The following LIPH variants were observed in gnomAD, a reference collection of about 807,000 sequenced individuals.
The protein encoded by LIPH is lipase H.
In LIPH, 32 loss-of-function variants were observed where a neutral mutation model predicts 47.6. That is an observed-to-expected ratio of 0.67 (90% confidence interval 0.51 to 0.90). The LOEUF (loss-of-function observed/expected upper bound fraction) is 0.90, where lower values mean the gene tolerates loss of function less well. Ranked by LOEUF, LIPH falls within the 40% of genes least tolerant of loss-of-function variation. The pLI is 0.00. For synonymous variants in LIPH, 190 were observed against 195.6 expected (o/e 0.97, Z 0.24); for missense variants, 497 against 541.4 (o/e 0.92, Z 0.81).
chr3:185,513,895 C>T (rs1344974502), intron 8 of LIPH, among the ~76,000 whole-genome samples: 1 of 152,072 alleles, frequency 6.6e-6, no homozygotes, highest in Non-Finnish European at 1.5e-5. Flanking sequence ...AAAAAATTAT[C>T]TGGGCATGGT....
chr3:185,527,101 T>C (rs987724322), intron 4 of LIPH, among the ~76,000 whole-genome samples: 1 of 151,866 alleles, frequency 6.6e-6, no homozygotes, highest in Non-Finnish European at 1.5e-5. Context: ...TAGCCAGGCG[T>C]GGCGGCGTGT....
rs948448963 is a variant in LIPH, at chr3:185,506,312, C to G, written c.*2478G>C. 6.6e-6 allele frequency: 1 copy of G among 152,164 alleles called. No homozygotes were observed. The highest frequency in any genetic ancestry group is 1.5e-5 in the Non-Finnish European group (1 of 68,038). The allele number at this position is 152,164 out of a possible 1,614,324, so 9.4% of individuals were successfully genotyped here. A position where few individuals can be genotyped will look rare whatever the true frequency, so the allele number is the denominator to read the frequency against. On this transcript the variant is annotated 3_prime_UTR_variant, in exon 10 of 10. Transcript: ENST00000296252. ...CCTGATCACTGTTACATGAAACTTA[C>G]TGAAATTCATCTCCTCTCCGGTGAA...
intron 3 of LIPH, among the ~76,000 whole-genome samples, chr3:185,529,970 GAAAGAA>G (rs765603847): frequency 0.088 from 5,851 of 66,760 alleles, 232 homozygotes; most frequent in Middle Eastern, 0.12. Context: ...AAGAAGGAAA[GAAAGAA>G]AGAGAGAGAG....
intron 8 of LIPH, 136 bp downstream of exon 8, chr3:185,514,274 C>G (rs1249678123): frequency 1.5e-6 from 1 of 664,576 alleles, no homozygotes; most frequent in African/African-American, 1.8e-5. Context: ...AGCAACTAAG[C>G]AATAGTTCCC....
chr3:185,547,029 G>A lies in LIPH; in HGVS notation c.49+5394C>T, dbSNP rs189766796. ...AGGCGAGGAAATTCTGAGATTCTAC[G>A]ATAGTCAATAAGCAAAGGTGGGAAT... On this transcript the variant is annotated intron_variant, in intron 1 of 9. Coordinates refer to ENST00000296252, the MANE Select transcript of LIPH (RefSeq NM_139248.3). 6 of 394,320 alleles carry A rather than the reference G, an allele frequency of 1.5e-5. No individual in the cohort carries two copies. The East Asian group carries it at 3.4e-4, about 22-fold the overall frequency. The allele number at this position is 394,320 out of a possible 1,614,324, so 24.4% of individuals were successfully genotyped here.
chr3:185,537,507 C>CT (rs1322437113), intron 1 of LIPH, among the ~76,000 whole-genome samples: 3 of 152,136 alleles, frequency 2.0e-5, no homozygotes, highest in Non-Finnish European at 2.9e-5. Flanking sequence ...GGAACATGCA[C>CT]TTGCCCAGTT....
At chr3:185,545,709 A>G (rs1720849257) in intron 1 of LIPH, among the ~76,000 whole-genome samples, 1 of 150,926 alleles carries the variant, frequency 6.6e-6, no homozygotes, top group African/African-American at 2.4e-5. Flanking sequence ...TCCCATCTCC[A>G]TAAAACAAAA....
chr3:185,521,170 G>A (rs1171143284), intron 5 of LIPH, among the ~76,000 whole-genome samples: 2 of 152,074 alleles, frequency 1.3e-5, no homozygotes, highest in African/African-American at 2.4e-5. Context: ...ACCCGACTGA[G>A]TACTAGCTTC....
intron 8 of LIPH, 32 bp from the exon 9 acceptor site, chr3:185,511,729 TA>T (rs886392084): frequency 1.3e-6 from 2 of 1,498,916 alleles, no homozygotes; most frequent in African/African-American, 1.4e-5. Context: ...GAAAAATGGA[TA>T]AAGACTACTA....
chr3:185,546,803 T>A, intron 1 of LIPH: 1 of 355,882 alleles, frequency 2.8e-6, no homozygotes, highest in South Asian at 2.2e-5. Context: ...AGAACTTGTC[T>A]AAAAACAAAC....
In LIPH at chr3:185,507,492, A is replaced by G. The variant is rs1719416562; in HGVS notation, c.*1298T>C. 2 of 152,248 alleles carry G rather than the reference A, an allele frequency of 1.3e-5. No homozygotes were observed. Among genetic ancestry groups the G allele is most frequent in the South Asian group, 2.1e-4 (1 of 4,820 alleles). The allele number at this position is 152,248 out of a possible 1,614,324, so 9.4% of individuals were successfully genotyped here. On this transcript the variant is annotated 3_prime_UTR_variant, in exon 10 of 10. Transcript: ENST00000296252. The stretch of plus-strand genomic sequence containing the variant: ...ACCTCCTTTTCACAGACCTTCCTGC[A>G]GTGGCCACAGCCATGGGACAGATCA...
intron 7 of LIPH, among the ~76,000 whole-genome samples, chr3:185,515,720 G>A (rs1392062135): frequency 2.0e-5 from 3 of 152,098 alleles, no homozygotes; most frequent in Admixed American, 6.5e-5. Context: ...TAGTAGAGAT[G>A]GGGTTTCACC....
At chr3:185,540,083 C>T (rs1280581513) in intron 1 of LIPH, among the ~76,000 whole-genome samples, 1 of 152,188 alleles carries the variant, frequency 6.6e-6, no homozygotes, top group East Asian at 1.9e-4. Flanking sequence ...TTCTCCTCTG[C>T]TTTCTCAGGT....
chr3:185,512,591 T>C (rs1719604111), intron 8 of LIPH, among the ~76,000 whole-genome samples: 1 of 150,912 alleles, frequency 6.6e-6, no homozygotes, highest in African/African-American at 2.4e-5. Flanking sequence ...TGGGTTCAAG[T>C]CATTTTCCTG....
chr3:185,527,791 C>T (rs927078420), intron 3 of LIPH, among the ~76,000 whole-genome samples: 1 of 147,794 alleles, frequency 6.8e-6, no homozygotes, highest in African/African-American at 2.5e-5. Context: ...CTGGCTGTGC[C>T]CCTGAGAATG....
chr3:185,511,855 A>G (rs1247189362), intron 8 of LIPH, among the ~76,000 whole-genome samples, 158 bp from the exon 9 acceptor site: 2 of 137,910 alleles, frequency 1.5e-5, no homozygotes, highest in Non-Finnish European at 3.1e-5. Flanking sequence ...CAGGGTTCAC[A>G]CTGTTGCCCA....
At position 185,552,572 on chromosome 3, in the gene LIPH, C is replaced by A. The variant is rs958999280; in HGVS notation, c.-101G>T. The A allele has an allele frequency of 1.8e-5, 15 of 835,424 alleles. No homozygotes were observed. The highest frequency in any genetic ancestry group is 2.3e-5 in the Non-Finnish European group (11 of 478,514). The allele number at this position is 835,424 out of a possible 1,614,324, so 51.8% of individuals were successfully genotyped here. A position where few individuals can be genotyped will look rare whatever the true frequency, so the allele number is the denominator to read the frequency against. Reference sequence around the variant, plus strand: ...GGATTTTGCTCACAGTGAGCTCAGACGACTCAGAGGTGTGGTGACAACAGG... The same window carrying A: ...GGATTTTGCTCACAGTGAGCTCAGAAGACTCAGAGGTGTGGTGACAACAGG... On this transcript the variant is annotated 5_prime_UTR_variant, in exon 1 of 10. Transcript: ENST00000296252.
intron 1 of LIPH, among the ~76,000 whole-genome samples, chr3:185,544,500 G>A (rs1482000508): frequency 2.6e-5 from 4 of 151,776 alleles, no homozygotes; most frequent in Non-Finnish European, 5.9e-5. Context: ...GATTACAGGC[G>A]CCCACCACCA....
intron 5 of LIPH, among the ~76,000 whole-genome samples, chr3:185,523,781 G>A (rs1466884030): frequency 7.1e-6 from 1 of 140,694 alleles, no homozygotes; most frequent in African/African-American, 2.5e-5. Flanking sequence ...GGAGTGCAGT[G>A]GCGTGAACTC....
Sources: allele counts gnomAD v4.1 joint callset (sites outside exome capture counted in the v4.1 genomes callset), GRCh38; gene constraint gnomAD v4.1.1; transcripts MANE v1.5; gene names NCBI Gene and HGNC (gene_info 2026-07-23, HGNC 2026-07-21).